DENND2B: variants seen among roughly 807,000 people sequenced by gnomAD.
The protein encoded by DENND2B is DENN domain containing 2B.
In DENND2B, 32 loss-of-function variants were observed where a neutral mutation model predicts 116.0. That is an observed-to-expected ratio of 0.28 (90% CI 0.21 to 0.37). The LOEUF (loss-of-function observed/expected upper bound fraction) is 0.37, where lower values mean the gene tolerates loss of function less well. Among genes scored for constraint, DENND2B ranks in the 10% least tolerant of loss-of-function variants. The pLI is 1.00. For synonymous variants in DENND2B, 588 were observed against 583.9 expected, an observed-to-expected ratio of 1.01 and a Z score of -0.10; for missense variants, 1,276 against 1,477.7, an observed-to-expected ratio of 0.86 and a Z score of 2.24.
intron 1 of DENND2B, among the ~76,000 whole-genome samples, chr11:8,905,066 AAAT>A (rs142215154): frequency 0.017 from 2,626 of 152,256 alleles, 45 homozygotes; most frequent in Non-Finnish European, 0.022. Context: ...AATTTTATGG[AAAT>A]AATGACTGTA....
At chr11:8,724,576 C>T (rs1307857828) in intron 4 of DENND2B, among the ~76,000 whole-genome samples, 3 of 152,184 alleles carry the variant, frequency 2.0e-5, no homozygotes, top group Admixed American at 2.0e-4. Flanking sequence ...AAAAACAAAA[C>T]AAATGCAACC....
intron 1 of DENND2B, among the ~76,000 whole-genome samples, chr11:8,784,868 GA>G (rs1236020030): frequency 6.6e-6 from 1 of 151,828 alleles, no homozygotes; most frequent in Non-Finnish European, 1.5e-5. Flanking sequence ...AACAGAGTGA[GA>G]AAAAAAGTGG....
At chr11:8,853,537 A>T (rs1369456309) in intron 3 of DENND2B, among the ~76,000 whole-genome samples, 1 of 152,200 alleles carries the variant, frequency 6.6e-6, no homozygotes, top group Non-Finnish European at 1.5e-5. Context: ...TGTTGTTCAC[A>T]AATTACCTGG....
rs2043952287 is a variant in DENND2B at position 8,712,520 on chromosome 11, A to G, written c.2172+31T>C. The stretch of plus-strand genomic sequence containing the variant: ...GGATAGAGGATGGAAGAGGGGGAAT[A>G]TGGGCAAGGTGGGGAGAGAGAAGGC... On this transcript the variant is annotated intron_variant, in intron 9 of 19. Transcript: ENST00000313726. This position sits in a 1 kb window ranked among gnomAD's most constrained non-coding sequence, Gnocchi z 4.4. The G allele has an allele frequency of 6.5e-7, 1 of 1,539,810 alleles. No homozygotes were observed. The highest frequency in any genetic ancestry group is 1.4e-5 in the African/African-American group (1 of 72,704).
intron 1 of DENND2B, among the ~76,000 whole-genome samples, chr11:8,806,145 G>A (rs540903574): frequency 2.0e-5 from 3 of 152,300 alleles, no homozygotes; most frequent in Admixed American, 2.0e-4. Flanking sequence ...CCTCACTCCT[G>A]CTTCCTTCCA....
chr11:8,875,581 A>G (rs1594328026), upstream of DENND2B, among the ~76,000 whole-genome samples: 1 of 151,770 alleles, frequency 6.6e-6, no homozygotes, highest in African/African-American at 2.4e-5. Flanking sequence ...AATCTTTTAA[A>G]ATAGAGATTT....
chr11:8,761,779 C>T (rs924933514), intron 1 of DENND2B, among the ~76,000 whole-genome samples: 12 of 151,976 alleles, frequency 7.9e-5, no homozygotes, highest in South Asian at 4.2e-4. Flanking sequence ...GCACCTTCTC[C>T]GAGTAAGACT....
At chr11:8,743,860 C>T (rs1458382967) in intron 2 of DENND2B, among the ~76,000 whole-genome samples, 3 of 151,936 alleles carry the variant, frequency 2.0e-5, no homozygotes, top group Non-Finnish European at 4.4e-5. Flanking sequence ...GATCCTCCCA[C>T]CTCAGCCTCC....
At chr11:8,751,619 T>C (rs1157468212) in intron 1 of DENND2B, among the ~76,000 whole-genome samples, 3 of 151,934 alleles carry the variant, frequency 2.0e-5, no homozygotes, top group Non-Finnish European at 4.4e-5. Flanking sequence ...AGGAACAAAC[T>C]ACAGACATGC....
At chr11:8,761,662 C>T (rs1298483237) in intron 1 of DENND2B, among the ~76,000 whole-genome samples, 3 of 152,164 alleles carry the variant, frequency 2.0e-5, no homozygotes, top group Non-Finnish European at 4.4e-5. Context: ...GACTCTAAGT[C>T]CTGACCTCCT....
chr11:8,730,613 C>T lies in DENND2B; in HGVS notation c.677G>A (p.Arg226Gln), dbSNP rs773120275. The T allele has an allele frequency of 2.5e-6, 4 of 1,612,958 alleles. No individual in the cohort carries two copies. Among genetic ancestry groups the T allele is most frequent in the African/African-American group, 2.7e-5 (2 of 74,948 alleles). Residue 226 changes from arginine to glutamine, a missense_variant, in exon 3 of 20, where the codon CGG (arginine) becomes CAG (glutamine). By Grantham distance (43) the Arg-to-Gln change is conservative. Around this residue, in one of 2 missense-constraint regions of DENND2B, gnomAD observed 856 missense variants for 846.6 expected, o/e 1.01. Transcript: ENST00000313726. The surrounding 1 kb of genome is among the most constrained non-coding windows in gnomAD (Gnocchi z 4.1). Reference protein sequence around the residue: ...SEKTFDFKGLRRMSRTFSECS... With the variant: ...SEKTFDFKGLQRMSRTFSECS... ...CTCGGAGAAGGTCCTGCTCATCCTC[C>T]GGAGGCCCTTGAAATCAAAGGTCTT...
intron 1 of DENND2B, among the ~76,000 whole-genome samples, chr11:8,886,914 C>T (rs2063967320): frequency 6.6e-6 from 1 of 152,092 alleles, no homozygotes; most frequent in Non-Finnish European, 1.5e-5. Flanking sequence ...CTGCAACCTC[C>T]ACCTACCGGG....
Position 8,730,250 on chromosome 11 carries a change from T to TC in DENND2B, c.1039dup (p.Glu347GlyfsTer15). 1 of 1,604,438 alleles carries TC rather than the reference T, an allele frequency of 6.2e-7. No individual in the cohort carries two copies. The highest frequency in any genetic ancestry group is 1.1e-5 in the South Asian group (1 of 90,266). On this transcript the variant is annotated frameshift_variant, in exon 3 of 20. Coordinates refer to ENST00000313726, the MANE Select transcript of DENND2B (RefSeq NM_213618.2). LOFTEE classifies it high-confidence loss of function. The surrounding 1 kb of genome is among the most constrained non-coding windows in gnomAD (Gnocchi z 4.1). The stretch of plus-strand genomic sequence containing the variant: ...TTCCCTCTCTGGGGGTGGGCCCGCC[T>TC]CCCCCGCAACACCAGCCACTCCGAC...
At chr11:8,696,251 A>G (rs1313875511) in intron 18 of DENND2B, among the ~76,000 whole-genome samples, 176 bp downstream of exon 18, 1 of 152,186 alleles carries the variant, frequency 6.6e-6, no homozygotes, top group East Asian at 1.9e-4. Context: ...AGCCTTGTGA[A>G]GGCATTTACT....
chr11:8,854,816 G>A (rs370064220), intron 3 of DENND2B, among the ~76,000 whole-genome samples: 6 of 152,208 alleles, frequency 3.9e-5, no homozygotes, highest in East Asian at 1.9e-4. Flanking sequence ...AGGTTCAACC[G>A]ATTCTCATGC....
Position 8,730,866 on chromosome 11 carries a change from C to T in DENND2B, c.424G>A (p.Gly142Arg), listed in dbSNP as rs749057966. The change falls in exon 3 of 20, where the codon GGG (glycine) becomes AGG (arginine). Residue 142 changes from glycine to arginine, a missense_variant. Physicochemically the swap from Gly to Arg is moderately radical, Grantham distance 125. Transcript: ENST00000313726. This position sits in a 1 kb window ranked among gnomAD's most constrained non-coding sequence, Gnocchi z 4.1. Reference sequence around the variant, plus strand: ...ACGCCCCGGGGGCCAGCTGCTGGCCCCGGGAATGGCGTGCTCTGGGCAAGG... The same window carrying T: ...ACGCCCCGGGGGCCAGCTGCTGGCCTCGGGAATGGCGTGCTCTGGGCAAGG... ...LPLAQSTPFP[G>R]PAAGPRGVLL... is the part of the protein sequence containing the mutation. The T allele has an allele frequency of 5.0e-6, 8 of 1,613,484 alleles. No homozygotes were observed. In the African/African-American group the frequency reaches 1.1e-4, roughly 22 times the overall value.
intron 1 of DENND2B, among the ~76,000 whole-genome samples, chr11:8,793,000 G>GC (rs1267193832): frequency 6.6e-6 from 1 of 152,168 alleles, no homozygotes; most frequent in Non-Finnish European, 1.5e-5. Flanking sequence ...TTACAGTACT[G>GC]CATATAACAG....
upstream of DENND2B, chr11:8,811,422 A>G: frequency 2.5e-6 from 1 of 397,732 alleles, no homozygotes; most frequent in Non-Finnish European, 4.4e-6. Context: ...CAAACCTGAT[A>G]CAAATACAGC....
At chr11:8,716,418 CTCCATATGCGCTGACCTCTCA>C (rs1319260741) in intron 5 of DENND2B, among the ~76,000 whole-genome samples, 3 of 152,212 alleles carry the variant, frequency 2.0e-5, no homozygotes, top group Non-Finnish European at 2.9e-5. Context: ...CTCTGCCTCT[CTCCATATGCGCTGACCTCTCA>C]TCCCAGGGCA....
Sources: gnomAD v4.1 joint callset for allele counts (sites outside exome capture counted in the v4.1 genomes callset) on GRCh38, gnomAD v4.1.1 for gene constraint, gnomAD v4.1.1 regional missense constraint, Gnocchi (gnomAD v3.1) non-coding constraint, MANE v1.5 for transcripts, NCBI Gene and HGNC (gene_info 2026-07-23, HGNC 2026-07-21) for gene names.